Variants in NRG3 observed in about 807,000 individuals in gnomAD.
NRG3 encodes the protein neuregulin 3.
NRG3 carries 31 observed loss-of-function variants against 66.9 expected under a neutral mutation model. The ratio of observed to expected loss-of-function variants is 0.46; its 90% CI spans 0.35 to 0.63. The LOEUF (loss-of-function observed/expected upper bound fraction) is 0.63, where lower values mean the gene tolerates loss of function less well. Ranked by LOEUF, NRG3 falls within the 20% of genes least tolerant of loss-of-function variation. The pLI, the probability that NRG3 is intolerant of heterozygous loss-of-function variation, is 0.00. For missense variants in NRG3, 910 were observed against 878.9 expected, an observed-to-expected ratio of 1.04 and a Z score of -0.45; for synonymous variants, 393 against 359.4, an observed-to-expected ratio of 1.09 and a Z score of -1.06.
chr10:82,021,899 C>T (rs1418409773), intron 1 of NRG3, among the ~76,000 whole-genome samples: 1 of 151,478 alleles, frequency 6.6e-6, no homozygotes, highest in African/African-American at 2.4e-5. Context: ...GTCAGCATGG[C>T]CCTGTGATTC....
At chr10:82,327,132 A>G (rs1174729559) in intron 1 of NRG3, among the ~76,000 whole-genome samples, 5 of 152,194 alleles carry the variant, frequency 3.3e-5, no homozygotes, top group Non-Finnish European at 1.5e-5. Context: ...AACAAGAACA[A>G]GAACCAAGGA....
At chr10:82,429,840 G>A (rs1007764729) in intron 2 of NRG3, among the ~76,000 whole-genome samples, 2 of 151,876 alleles carry the variant, frequency 1.3e-5, no homozygotes, top group Non-Finnish European at 2.9e-5. Flanking sequence ...TTCTCAGACT[G>A]GATAATAATC....
intron 2 of NRG3, among the ~76,000 whole-genome samples, chr10:82,529,032 G>A (rs1175744794): frequency 6.6e-6 from 1 of 152,148 alleles, no homozygotes; most frequent in Admixed American, 6.6e-5. Context: ...GGTAGACTGC[G>A]ACTTTGACTT....
At position 82,688,416 on chromosome 10, in the gene NRG3, C is replaced by T. The variant is rs1036550478; in HGVS notation, c.954-50161C>T. Among the ~76,000 whole-genome samples, 3 of 152,056 alleles carry T rather than the reference C, an allele frequency of 2.0e-5. No individual in the cohort carries two copies. In the East Asian group the frequency reaches 5.8e-4, roughly 29 times the overall value. Reference sequence around the variant, plus strand: ...CTACCATGTTCTTTCCTAAAAAATCCCAGGAATTGGTGGTATAACATGACT... The same window carrying T: ...CTACCATGTTCTTTCCTAAAAAATCTCAGGAATTGGTGGTATAACATGACT... On this transcript the variant is annotated intron_variant, in intron 2 of 8. Transcript: ENST00000372141.
At chr10:82,818,449 T>C (rs987892186) in intron 3 of NRG3, among the ~76,000 whole-genome samples, 16 of 152,092 alleles carry the variant, frequency 1.1e-4, no homozygotes, top group African/African-American at 3.9e-4. Context: ...CAGGAGGAGA[T>C]GGTTTTCTTA....
intron 2 of NRG3, among the ~76,000 whole-genome samples, chr10:82,664,938 A>G (rs2052647131): frequency 6.6e-6 from 1 of 152,206 alleles, no homozygotes; most frequent in African/African-American, 2.4e-5. Context: ...AATGCTGACT[A>G]ACAAAGTGTT....
chr10:82,584,189 C>T (rs10884963), intron 2 of NRG3, among the ~76,000 whole-genome samples: 15,549 of 152,120 alleles, frequency 0.1, 966 homozygotes, highest in South Asian at 0.22. Context: ...TGGGTTCAAG[C>T]GATTCTCTCA....
intron 2 of NRG3, among the ~76,000 whole-genome samples, chr10:82,678,156 T>C (rs571026990): frequency 1.3e-5 from 2 of 152,290 alleles, no homozygotes; most frequent in South Asian, 4.1e-4. Flanking sequence ...TTCAGGTGTT[T>C]CCTATCTATT....
At chr10:82,258,412 A>T (rs915021376) in intron 1 of NRG3, among the ~76,000 whole-genome samples, 2 of 152,146 alleles carry the variant, frequency 1.3e-5, no homozygotes, top group Admixed American at 6.5e-5. Flanking sequence ...TACAAATTGG[A>T]TTTGTGTATG....
chr10:82,187,774 A>AT (rs1044960293), intron 1 of NRG3, among the ~76,000 whole-genome samples: 1 of 152,196 alleles, frequency 6.6e-6, no homozygotes, highest in Non-Finnish European at 1.5e-5. Context: ...ATCGTATTCT[A>AT]TAATTGACTA....
chr10:82,885,391 A>G (rs1467376453), intron 4 of NRG3, among the ~76,000 whole-genome samples: 1 of 152,158 alleles, frequency 6.6e-6, no homozygotes, highest in South Asian at 2.1e-4. Context: ...TTGCCTTATT[A>G]TGCCCAACAT....
intron 3 of NRG3, among the ~76,000 whole-genome samples, chr10:82,767,702 T>A (rs1380594594): frequency 6.6e-6 from 1 of 152,112 alleles, no homozygotes; most frequent in African/African-American, 2.4e-5. Context: ...TCCTAGTCTT[T>A]TATTTATTCT....
In NRG3 at chr10:82,736,934, T is replaced by C. The variant is rs976807145; in HGVS notation, c.954-1643T>C. ...CACATACGTAGGACGTAATTCATTA[T>C]TATTGGGAAATGAAAATGAAAGCAC... On this transcript the variant is annotated intron_variant, in intron 2 of 8. Coordinates refer to ENST00000372141, the MANE Select transcript of NRG3 (RefSeq NM_001010848.4). 3.9e-5 allele frequency among the ~76,000 whole-genome samples: 6 copies of C among 152,322 alleles called. No homozygotes were observed. In the South Asian group the frequency reaches 1.0e-3, roughly 26 times the overall value.
At chr10:81,976,786 T>C (rs2060140967) in intron 1 of NRG3, among the ~76,000 whole-genome samples, 2 of 152,206 alleles carry the variant, frequency 1.3e-5, no homozygotes, top group South Asian at 2.1e-4. Flanking sequence ...CTAATTTCTA[T>C]TGGACATTAA....
At chr10:82,932,655 G>A (rs1424449468) in intron 4 of NRG3, among the ~76,000 whole-genome samples, 1 of 152,188 alleles carries the variant, frequency 6.6e-6, no homozygotes, top group Admixed American at 6.5e-5. Flanking sequence ...TCTCCTGCAA[G>A]CTCACAGTGG....
intron 3 of NRG3, among the ~76,000 whole-genome samples, chr10:82,764,434 C>A (rs762015405): frequency 1.1e-3 from 158 of 146,144 alleles, no homozygotes; most frequent in Non-Finnish European, 1.8e-3. Flanking sequence ...TGCAGTGGTG[C>A]AATCTCGGCT....
At chr10:82,145,230 TA>T (rs1157471451) in intron 1 of NRG3, among the ~76,000 whole-genome samples, 1 of 152,216 alleles carries the variant, frequency 6.6e-6, no homozygotes, top group Admixed American at 6.5e-5. Flanking sequence ...AAGGAATTGC[TA>T]AAATGAAATG....
chr10:82,776,856 C>G (rs942301522), intron 3 of NRG3, among the ~76,000 whole-genome samples: 2 of 151,878 alleles, frequency 1.3e-5, no homozygotes, highest in South Asian at 4.2e-4. Context: ...TATCTGTATC[C>G]TCTTGTATAT....
At chr10:82,734,539 G>GC (rs1033208231) in intron 2 of NRG3, among the ~76,000 whole-genome samples, 20 of 152,030 alleles carry the variant, frequency 1.3e-4, no homozygotes, top group African/African-American at 4.8e-4. Flanking sequence ...AAAGACTCCT[G>GC]CCCCCTCCCC....
Sources: gnomAD v4.1 joint callset for allele counts (sites outside exome capture counted in the v4.1 genomes callset) on GRCh38, gnomAD v4.1.1 for gene constraint, MANE v1.5 for transcripts, NCBI Gene and HGNC (gene_info 2026-07-23, HGNC 2026-07-21) for gene names.